Variants in ZSWIM8 observed in about 807,000 individuals in gnomAD.
The protein encoded by ZSWIM8 is zinc finger SWIM-type containing 8, also known as zinc finger SWIM domain-containing protein 8.
A neutral mutation model predicts 173.7 loss-of-function variants in ZSWIM8; 27 were observed. The observed-to-expected ratio is 0.16, with a 90% CI of 0.11 to 0.21. The LOEUF is 0.21. Among genes scored for constraint, ZSWIM8 ranks in the 10% least tolerant of loss-of-function variants. ZSWIM8 has a pLI of 1.00. For missense variants in ZSWIM8, 1,627 were observed against 2,428.8 expected, an observed-to-expected ratio of 0.67 and a Z score of 6.94; for synonymous variants, 958 against 962.0, an observed-to-expected ratio of 1.00 and a Z score of 0.08.
chr10:73,798,180 C>T (rs1443976205), intron 19 of ZSWIM8, 50 bp from the exon 20 acceptor site: 1 of 1,605,058 alleles, frequency 6.2e-7, no homozygotes, highest in Non-Finnish European at 8.5e-7. Context: ...TCTCACACCC[C>T]AGTGGTGCCC....
chr10:73,791,386 G>A lies in ZSWIM8; in HGVS notation c.1206G>A (p.Thr402=), dbSNP rs370603488. The part of the protein sequence containing the change: ...SASHSSASGH[T]GRSNGQSEVA... ...CACACAGCAGTGCCAGTGGGCACAC[G>A]GGCCGTAGCAACGGGCAGTCAGAGG... Residue 402 remains threonine, a synonymous_variant, in exon 9 of 26, where the codon ACG becomes ACA. Transcript: ENST00000604729. The surrounding 1 kb of genome is among the most constrained non-coding windows in gnomAD (Gnocchi z 6.0). 7.6e-5 allele frequency: 122 copies of A among 1,613,822 alleles called. No homozygotes were observed. The highest frequency in any genetic ancestry group is 9.8e-5 in the Non-Finnish European group (116 of 1,179,838).
At position 73,795,448 on chromosome 10, in the gene ZSWIM8, A is replaced by G. The variant is rs1156304676; in HGVS notation, c.2909-91A>G. 1.9e-6 allele frequency: 3 copies of G among 1,570,144 alleles called. No individual in the cohort carries two copies. In the East Asian group the frequency reaches 6.8e-5, roughly 36 times the overall value. On this transcript the variant is annotated intron_variant, in intron 14 of 25. Coordinates refer to ENST00000604729, the MANE Select transcript of ZSWIM8 (RefSeq NM_001367799.1). The stretch of plus-strand genomic sequence containing the variant: ...GGACCAAGGGAACCCCTTACTTCAT[A>G]TGCTGATGGCTTGGGAACCCTGGCC...
chr10:73,787,105 G>A (rs966420528), intron 1 of ZSWIM8, among the ~76,000 whole-genome samples: 1 of 152,074 alleles, frequency 6.6e-6, no homozygotes, highest in South Asian at 2.1e-4. Context: ...CACCATGCCC[G>A]GCTAATTTTT....
Position 73,789,217 on chromosome 10 carries a change from A to T in ZSWIM8, c.457+27A>T. The T allele has an allele frequency of 6.2e-7, 1 of 1,612,368 alleles. No individual in the cohort carries two copies. The highest frequency in any genetic ancestry group is 8.5e-7 in the Non-Finnish European group (1 of 1,178,414). ...TGAGTGGGCCATCATGCCATGTGGC[A>T]CATCCTGCTCCTCCCATCCCCTGGC... On this transcript the variant is annotated intron_variant, in intron 3 of 25. Coordinates refer to ENST00000604729, the MANE Select transcript of ZSWIM8 (RefSeq NM_001367799.1). The surrounding 1 kb of genome is among the most constrained non-coding windows in gnomAD (Gnocchi z 6.8).
chr10:73,790,194 A>G lies in ZSWIM8; in HGVS notation c.843A>G (p.Ala281=), dbSNP rs200733869. ...CAGACCCCACAGCAGGGCCCTCAGC[A>G]TCGGACCAGAGTACTTGGTATCTGG... ...GAPDPTAGPS[A]SDQSTWYLDE... is the part of the protein sequence containing the mutation. The change falls in exon 7 of 26, where the codon GCA becomes GCG. Residue 281 remains alanine (A), a synonymous_variant. Coordinates refer to ENST00000604729, the MANE Select transcript of ZSWIM8 (RefSeq NM_001367799.1). 862 of 1,613,388 alleles carry G rather than the reference A, an allele frequency of 5.3e-4. No individual in the cohort carries two copies. The highest frequency in any genetic ancestry group is 7.0e-4 in the Non-Finnish European group (828 of 1,179,550).
At position 73,795,729 on chromosome 10, in the gene ZSWIM8, G is replaced by A. The variant is rs552103677; in HGVS notation, c.3033+66G>A. 330 of 1,542,032 alleles carry A rather than the reference G, an allele frequency of 2.1e-4. 2 individuals carry two copies. Among genetic ancestry groups the A allele is most frequent in the South Asian group, 1.2e-3 (105 of 86,326 alleles). The stretch of plus-strand genomic sequence containing the variant: ...TCCCAGCAGTTTGGGAGGCAGAGGC[G>A]GGCAGATGGCTTGAGCCCAGGAGTT... On this transcript the variant is annotated intron_variant, in intron 15 of 25. Coordinates refer to ENST00000604729, the MANE Select transcript of ZSWIM8 (RefSeq NM_001367799.1).
At position 73,793,936 on chromosome 10, in the gene ZSWIM8, C is replaced by G. The variant is rs780040081; in HGVS notation, c.2517C>G (p.Phe839Leu). Residue 839 changes from phenylalanine to leucine, a missense_variant, in exon 12 of 26, where the codon TTC (phenylalanine) becomes TTG (leucine). Coordinates refer to ENST00000604729, the MANE Select transcript of ZSWIM8 (RefSeq NM_001367799.1). The stretch of plus-strand genomic sequence containing the variant: ...CCAACACCCTGAGCAAGGCGGCCTT[C>G]CTGTTGACAGTGCTAAGTGAGCGTC... ...VATNTLSKAA[F>L]LLTVLSERPE... 2 of 1,613,530 alleles carry G rather than the reference C, an allele frequency of 1.2e-6. No homozygotes were observed. Among genetic ancestry groups the G allele is most frequent in the Non-Finnish European group, 1.7e-6 (2 of 1,179,714 alleles).
intron 14 of ZSWIM8, among the ~76,000 whole-genome samples, chr10:73,795,335 T>G (rs915018443): frequency 5.9e-5 from 9 of 152,182 alleles, no homozygotes; most frequent in African/African-American, 2.2e-4. Flanking sequence ...GTAAGCAGAT[T>G]GGACCTGGTT....
At chr10:73,793,768 C>T (rs1412798354) in intron 11 of ZSWIM8, 49 bp downstream of exon 11, 3 of 1,563,910 alleles carry the variant, frequency 1.9e-6, no homozygotes, top group East Asian at 2.2e-5. Flanking sequence ...TACCCCCAAC[C>T]TGCTCCCATG....
rs1241108595 is a variant in ZSWIM8 at position 73,797,298 on chromosome 10, A to G, written c.3433+27A>G. Reference sequence around the variant, plus strand: ...TAGGATAGCCTGTGGGCTAGCATAGAGGGAAGGATAATCCTGAAGGTTGGA... The same window carrying G: ...TAGGATAGCCTGTGGGCTAGCATAGGGGGAAGGATAATCCTGAAGGTTGGA... On this transcript the variant is annotated intron_variant, in intron 17 of 25. Transcript: ENST00000604729. The surrounding 1 kb of genome is among the most constrained non-coding windows in gnomAD (Gnocchi z 5.6). 1.2e-6 allele frequency: 2 copies of G among 1,613,716 alleles called. No homozygotes were observed. Among genetic ancestry groups the G allele is most frequent in the Non-Finnish European group, 8.5e-7 (1 of 1,179,708 alleles).
At chr10:73,794,732 G>A in intron 14 of ZSWIM8, 93 bp downstream of exon 14, 1 of 1,172,862 alleles carries the variant, frequency 8.5e-7, no homozygotes, top group Non-Finnish European at 1.2e-6. Context: ...ATGGTAATGG[G>A]AAGGTCAGGA....
At position 73,792,490 on chromosome 10, in the gene ZSWIM8, G is replaced by A. The variant is rs201937719; in HGVS notation, c.1951G>A (p.Gly651Ser). The change falls in exon 10 of 26, where the codon GGT becomes AGT. Residue 651 changes from glycine to serine, a missense_variant. Coordinates refer to ENST00000604729, the MANE Select transcript of ZSWIM8 (RefSeq NM_001367799.1). This position sits in a 1 kb window ranked among gnomAD's most constrained non-coding sequence, Gnocchi z 4.3. ...PESPPPCPLH[G>S]GSRGPSTFLP... ...GAGCCCTCCACCCTGTCCTCTCCAC[G>A]GTGGCTCCCGAGGCCCTTCCACTTT... 2.2e-5 allele frequency: 36 copies of A among 1,612,802 alleles called. No individual in the cohort carries two copies. The highest frequency in any genetic ancestry group is 1.7e-4 in the Middle Eastern group (1 of 6,060).
chr10:73,791,228 CT>C lies in ZSWIM8; in HGVS notation c.1143+53del, dbSNP rs2083404411. On this transcript the variant is annotated intron_variant, in intron 8 of 25. Transcript: ENST00000604729. The surrounding 1 kb of genome is among the most constrained non-coding windows in gnomAD (Gnocchi z 6.0). ...GTGGTAGCTCATTCTTTCCCTCCCC[CT>C]GCCTCATCCTCCTCTTGCTGAAATG... The C allele has an allele frequency of 2.6e-6, 4 of 1,568,088 alleles. No individual in the cohort carries two copies. In the South Asian group the frequency reaches 4.7e-5, roughly 19 times the overall value.
Position 73,789,637 on chromosome 10 carries a change from A to T in ZSWIM8, c.631-80A>T, listed in dbSNP as rs2083345714. ...CAATGTGAGCCCCCTCGCCTCGCCT[A>T]CTCTGCCTCTCTGTCCCCCAGCTCC... On this transcript the variant is annotated intron_variant, in intron 4 of 25. Transcript: ENST00000604729. This position sits in a 1 kb window ranked among gnomAD's most constrained non-coding sequence, Gnocchi z 6.8. 6.5e-7 allele frequency: 1 copy of T among 1,543,738 alleles called. No homozygotes were observed. Among genetic ancestry groups the T allele is most frequent in the African/African-American group, 1.4e-5 (1 of 71,768 alleles).
intron 21 of ZSWIM8, 77 bp from the exon 22 acceptor site, chr10:73,799,934 C>T: frequency 6.8e-7 from 1 of 1,465,130 alleles, no homozygotes. Context: ...GTCAGGATAG[C>T]AGCTTGTGGG....
At position 73,799,432 on chromosome 10, in the gene ZSWIM8, CCATGCCTCA is replaced by C. The variant is rs1403851774; in HGVS notation, c.4614_4622del (p.His1539_Pro1541del). On this transcript the variant is annotated inframe_deletion, in exon 21 of 26. Transcript: ENST00000604729. ...ACTCACCCAGCTCACCCTGCCCACC[CCATGCCTCA>C]CATGCCCCGGCCTGCCGTCTTCCCT... The C allele has an allele frequency of 2.5e-6, 4 of 1,607,488 alleles. No homozygotes were observed. Among genetic ancestry groups the C allele is most frequent in the Middle Eastern group, 1.7e-4 (1 of 6,054 alleles).
At position 73,801,478 on chromosome 10, in the gene ZSWIM8, T is replaced by G. The variant is rs2083959485; in HGVS notation, c.5464T>G (p.Trp1822Gly). The change falls in exon 26 of 26, where the codon TGG (tryptophan) becomes GGG (glycine). Residue 1822 changes from tryptophan (W) to glycine (G), a missense_variant. Trp to Gly is a radical substitution (Grantham distance 184, BLOSUM62 -2). This residue lies in a region of ZSWIM8 where 122 missense variants were observed against 196.1 expected (regional missense o/e 0.62). Transcript: ENST00000604729. The surrounding 1 kb of genome is among the most constrained non-coding windows in gnomAD (Gnocchi z 4.9). ...LKRSKQTKEL[W>G]QRVSLEMATF... is the part of the protein sequence containing the mutation. The stretch of plus-strand genomic sequence containing the variant: ...GCGCAGCAAACAGACCAAGGAGCTG[T>G]GGCAGCGGGTCTCACTCGAGATGGC... 1 of 1,613,824 alleles carries G rather than the reference T, an allele frequency of 6.2e-7. No individual in the cohort carries two copies. Among genetic ancestry groups the G allele is most frequent in the Non-Finnish European group, 8.5e-7 (1 of 1,179,896 alleles).
chr10:73,794,718 C>T, intron 14 of ZSWIM8, 79 bp downstream of exon 14: 7 of 1,288,342 alleles, frequency 5.4e-6, no homozygotes, highest in Non-Finnish European at 7.6e-6. Flanking sequence ...TTGTGAAGGG[C>T]TGTATGGTAA....
Position 73,800,827 on chromosome 10 carries a change from A to G in ZSWIM8, c.5122+68A>G. On this transcript the variant is annotated intron_variant, in intron 24 of 25. Coordinates refer to ENST00000604729, the MANE Select transcript of ZSWIM8 (RefSeq NM_001367799.1). This position sits in a 1 kb window ranked among gnomAD's most constrained non-coding sequence, Gnocchi z 4.1. ...GCTCTCCCCACCTTCCTTATCCCAG[A>G]CCTCCTTCCTAGCTCTTGCTCAGAG... The G allele has an allele frequency of 8.1e-7, 1 of 1,234,642 alleles. No individual in the cohort carries two copies. Among genetic ancestry groups the G allele is most frequent in the Non-Finnish European group, 1.1e-6 (1 of 876,526 alleles). The allele number at this position is 1,234,642 out of a possible 1,614,324, so 76.5% of individuals were successfully genotyped here.
Sources: gnomAD v4.1 joint callset for allele counts (sites outside exome capture counted in the v4.1 genomes callset) on GRCh38, gnomAD v4.1.1 for gene constraint, gnomAD v4.1.1 regional missense constraint, Gnocchi (gnomAD v3.1) non-coding constraint, MANE v1.5 for transcripts, NCBI Gene and HGNC (gene_info 2026-07-23, HGNC 2026-07-21) for gene names.